The following PDE1C variants were observed in gnomAD, a reference collection of about 807,000 sequenced individuals.
The protein encoded by PDE1C is phosphodiesterase 1C, also known as dual specificity calcium/calmodulin-dependent 3',5'-cyclic nucleotide phosphodiesterase 1C.
PDE1C carries 62 observed loss-of-function variants against 93.1 expected under a neutral mutation model. That is an observed-to-expected ratio of 0.67 (90% CI 0.54 to 0.82). The LOEUF is 0.82. PDE1C is among the 40% of genes least tolerant of loss of function. The pLI, the probability that PDE1C is intolerant of heterozygous loss-of-function variation, is 0.00. For missense variants in PDE1C, 742 were observed against 884.6 expected, an observed-to-expected ratio of 0.84 and a Z score of 2.04; for synonymous variants, 325 against 310.1, an observed-to-expected ratio of 1.05 and a Z score of -0.50.
chr7:32,277,780 A>G (rs1811374522), intron 1 of PDE1C, among the ~76,000 whole-genome samples: 1 of 152,208 alleles, frequency 6.6e-6, no homozygotes, highest in Admixed American at 6.5e-5. Flanking sequence ...AGAAACCACA[A>G]ATTCTAGAAA....
intron 1 of PDE1C, among the ~76,000 whole-genome samples, chr7:32,377,596 A>T (rs1263286339): frequency 1.3e-5 from 2 of 152,196 alleles, no homozygotes; most frequent in Non-Finnish European, 2.9e-5. Flanking sequence ...CATAAATCTT[A>T]GTATGACCAA....
chr7:31,649,625 A>G, the PDE1C span, among the ~76,000 whole-genome samples: 1 of 152,196 alleles, frequency 6.6e-6, no homozygotes, highest in African/African-American at 2.4e-5. Flanking sequence ...AAGGGGTCCA[A>G]GCCTGTGGGT....
chr7:32,023,801 C>T, intron 2 of PDE1C, among the ~76,000 whole-genome samples: 1 of 152,044 alleles, frequency 6.6e-6, no homozygotes, highest in South Asian at 2.1e-4. Context: ...AGAAGTGTTA[C>T]CATGATGGCA....
intron 2 of PDE1C, among the ~76,000 whole-genome samples, chr7:31,983,486 T>C (rs1782960751): frequency 6.6e-6 from 1 of 152,076 alleles, no homozygotes; most frequent in African/African-American, 2.4e-5. Flanking sequence ...CCATTCACTA[T>C]CACAACTGAG....
At chr7:32,349,864 G>A (rs1182614747) in intron 1 of PDE1C, among the ~76,000 whole-genome samples, 2 of 152,176 alleles carry the variant, frequency 1.3e-5, no homozygotes, top group African/African-American at 2.4e-5. Context: ...TCCTGACCTC[G>A]TGATTCACCC....
chr7:31,930,279 CA>C (rs1804010075), intron 2 of PDE1C, among the ~76,000 whole-genome samples: 1 of 152,040 alleles, frequency 6.6e-6, no homozygotes, highest in Non-Finnish European at 1.5e-5. Context: ...GACTACCAAC[CA>C]AAAAGAAGTC....
At chr7:31,908,323 T>C (rs146741131) in intron 2 of PDE1C, among the ~76,000 whole-genome samples, 5,134 of 152,264 alleles carry the variant, frequency 0.034, 89 homozygotes, top group South Asian at 0.074. Flanking sequence ...TTTTATTGCA[T>C]CATTTAATCT....
chr7:31,845,453 T>A (rs1402533341), intron 9 of PDE1C, among the ~76,000 whole-genome samples: 2 of 152,108 alleles, frequency 1.3e-5, no homozygotes, highest in Non-Finnish European at 2.9e-5. Context: ...ATACAAACTC[T>A]GTATAGGTTC....
chr7:31,635,245 AG>A, the PDE1C span, among the ~76,000 whole-genome samples: 1 of 152,218 alleles, frequency 6.6e-6, no homozygotes, highest in African/African-American at 2.4e-5. Context: ...TCCTACATCT[AG>A]ATGTGCATAG....
the PDE1C span, among the ~76,000 whole-genome samples, chr7:31,683,561 T>C: frequency 2.0e-5 from 3 of 152,146 alleles, no homozygotes; most frequent in African/African-American, 7.2e-5. Context: ...GGGATATTGA[T>C]CTGAGACAGC....
At chr7:32,192,453 C>T (rs1255733797) in intron 2 of PDE1C, among the ~76,000 whole-genome samples, 1 of 152,096 alleles carries the variant, frequency 6.6e-6, no homozygotes, top group African/African-American at 2.4e-5. Context: ...GGTCATATTT[C>T]CTCCATTGAA....
chr7:32,397,400 C>T (rs58870847), intron 1 of PDE1C, among the ~76,000 whole-genome samples: 6,444 of 151,950 alleles, frequency 0.042, 338 homozygotes, highest in African/African-American at 0.13. Context: ...ATCAGATTGA[C>T]GGAAATTTAG....
At chr7:31,910,265 T>C (rs1262979642) in intron 2 of PDE1C, among the ~76,000 whole-genome samples, 3 of 152,150 alleles carry the variant, frequency 2.0e-5, no homozygotes, top group African/African-American at 4.8e-5. Context: ...TTTTCAACTT[T>C]GCACAGTTCT....
intron 2 of PDE1C, among the ~76,000 whole-genome samples, chr7:31,966,152 G>A (rs1206936556): frequency 1.3e-5 from 2 of 152,034 alleles, no homozygotes; most frequent in African/African-American, 2.4e-5. Context: ...CAATTAAAAG[G>A]CACAGACTGG....
chr7:31,762,473 G>T (rs1384694328), intron 17 of PDE1C, among the ~76,000 whole-genome samples: 1 of 152,072 alleles, frequency 6.6e-6, no homozygotes, highest in Non-Finnish European at 1.5e-5. Flanking sequence ...CTGAGTAGCT[G>T]GGATTACAGA....
At chr7:32,087,137 A>G (rs761057444) in intron 3 of PDE1C, among the ~76,000 whole-genome samples, 2 of 152,068 alleles carry the variant, frequency 1.3e-5, no homozygotes, top group African/African-American at 4.8e-5. Flanking sequence ...GAATCTACAA[A>G]GAACTCAAAC....
intron 3 of PDE1C, among the ~76,000 whole-genome samples, chr7:32,088,359 G>T (rs1475510416): frequency 1.3e-5 from 2 of 152,186 alleles, no homozygotes; most frequent in Non-Finnish European, 2.9e-5. Context: ...ACACTTGAAG[G>T]CATGATTCTG....
chr7:31,728,982 A>G, the PDE1C span, among the ~76,000 whole-genome samples: 34 of 152,314 alleles, frequency 2.2e-4, no homozygotes, highest in Middle Eastern at 3.4e-3. Flanking sequence ...CCTTGTAATC[A>G]GGTAGAACTG....
chr7:31,897,686 C>T (rs1799478556), intron 2 of PDE1C, among the ~76,000 whole-genome samples: 1 of 152,144 alleles, frequency 6.6e-6, no homozygotes, highest in Non-Finnish European at 1.5e-5. Flanking sequence ...AACGTCATGT[C>T]AAGGACAAAT....
Sources: allele counts gnomAD v4.1 joint callset (sites outside exome capture counted in the v4.1 genomes callset), GRCh38; gene constraint gnomAD v4.1.1; transcripts MANE v1.5; gene names NCBI Gene and HGNC (gene_info 2026-07-23, HGNC 2026-07-21).